BTBD9: variants seen among roughly 807,000 people sequenced by gnomAD.
The protein encoded by BTBD9 is BTB domain containing 9.
A neutral mutation model predicts 64.3 loss-of-function variants in BTBD9; 49 were observed. The observed-to-expected ratio is 0.76, with a 90% CI of 0.61 to 0.97. The LOEUF is 0.97. Among genes scored for constraint, BTBD9 ranks in the 50% least tolerant of loss-of-function variants. The pLI is 0.00. For missense variants in BTBD9, 598 were observed against 762.1 expected, an observed-to-expected ratio of 0.78 and a Z score of 2.53; for synonymous variants, 260 against 274.7, an observed-to-expected ratio of 0.95 and a Z score of 0.53.
chr6:38,592,735 C>A lies in BTBD9; in HGVS notation c.655G>T (p.Ala219Ser). The A allele has an allele frequency of 6.2e-7, 1 of 1,614,210 alleles. No individual in the cohort carries two copies. The highest frequency in any genetic ancestry group is 8.5e-7 in the Non-Finnish European group (1 of 1,180,034). ...AAACGCACAGCCTGCATGATTTCAGCATGATTCTCCTTTGAATTGTGCTTA... is the reference window on the plus strand; with the variant it reads ...AAACGCACAGCCTGCATGATTTCAGAATGATTCTCCTTTGAATTGTGCTTA... ...WCKHNSKENHAEIMQAVRLPL... is the reference protein window; with the variant it reads ...WCKHNSKENHSEIMQAVRLPL... Residue 219 changes from alanine (A) to serine (S), a missense_variant, in exon 4 of 11, where the codon GCT becomes TCT. Coordinates refer to ENST00000481247, the MANE Select transcript of BTBD9 (RefSeq NM_001099272.2).
intron 6 of BTBD9, among the ~76,000 whole-genome samples, chr6:38,467,852 C>T (rs1364315837): frequency 1.3e-5 from 2 of 152,272 alleles, no homozygotes; most frequent in East Asian, 3.9e-4. Flanking sequence ...ATTCTATTTC[C>T]AAAATGTCAT....
At chr6:38,486,183 A>G (rs537313018) in intron 6 of BTBD9, among the ~76,000 whole-genome samples, 40 of 152,334 alleles carry the variant, frequency 2.6e-4, no homozygotes, top group African/African-American at 8.9e-4. Flanking sequence ...GCTCCGAATC[A>G]GGCTTTGGCT....
intron 6 of BTBD9, among the ~76,000 whole-genome samples, chr6:38,445,925 A>C (rs1769256867): frequency 6.6e-6 from 1 of 152,226 alleles, no homozygotes; most frequent in Admixed American, 6.5e-5. Flanking sequence ...ACTGCTGAAA[A>C]GGAAAAGAAA....
chr6:38,504,347 A>G (rs561840798), intron 6 of BTBD9: 124 of 299,416 alleles, frequency 4.1e-4, no homozygotes, highest in Middle Eastern at 3.0e-3. Flanking sequence ...TTAACTGATG[A>G]TGGGCTATTA....
intron 9 of BTBD9, among the ~76,000 whole-genome samples, chr6:38,196,194 G>T (rs1762269925): frequency 1.3e-5 from 2 of 152,294 alleles, no homozygotes; most frequent in Non-Finnish European, 2.9e-5. Context: ...GCCAGTGTTT[G>T]AATCTTTATT....
intron 1 of BTBD9, among the ~76,000 whole-genome samples, chr6:38,619,071 G>C (rs1270100613): frequency 6.6e-6 from 1 of 152,160 alleles, no homozygotes; most frequent in Non-Finnish European, 1.5e-5. Flanking sequence ...CCATAACTCA[G>C]GGAAAGGAAG....
chr6:38,588,083 C>T (rs1582679040), intron 4 of BTBD9: 2 of 730,990 alleles, frequency 2.7e-6, no homozygotes, highest in East Asian at 4.9e-5. Flanking sequence ...GTACCAGCAA[C>T]AGGCTAGCTA....
chr6:38,545,550 T>C (rs2474245), intron 6 of BTBD9, among the ~76,000 whole-genome samples: 81,995 of 151,536 alleles, frequency 0.54, 22,893 homozygotes, highest in African/African-American at 0.69. Context: ...GAGGCGGAGG[T>C]GGGCAAATCA....
intron 8 of BTBD9, among the ~76,000 whole-genome samples, chr6:38,274,577 T>G (rs912382572): frequency 7.2e-5 from 11 of 152,216 alleles, no homozygotes; most frequent in Admixed American, 2.0e-4. Context: ...TTATTGAGAG[T>G]TTTTAGCATG....
At chr6:38,487,594 AGAG>A (rs1562252312) in intron 6 of BTBD9, among the ~76,000 whole-genome samples, 1,054 of 39,242 alleles carry the variant, frequency 0.027, 12 homozygotes, top group African/African-American at 0.069. Context: ...AGAGTCAGCG[AGAG>A]AGAGAGAGAG....
At chr6:38,489,674 A>G (rs1194823871) in intron 6 of BTBD9, among the ~76,000 whole-genome samples, 1 of 152,224 alleles carries the variant, frequency 6.6e-6, no homozygotes, top group East Asian at 1.9e-4. Flanking sequence ...TATGAGCATT[A>G]TTCAAAATAT....
At chr6:38,345,122 T>G in intron 6 of BTBD9, 29 bp from the exon 7 acceptor site, 1 of 1,459,872 alleles carries the variant, frequency 6.8e-7, no homozygotes. Flanking sequence ...GAAAATGTGT[T>G]GAAAATGAGC....
intron 7 of BTBD9, among the ~76,000 whole-genome samples, chr6:38,322,019 T>C (rs773944936): frequency 6.6e-6 from 1 of 151,978 alleles, no homozygotes; most frequent in Non-Finnish European, 1.5e-5. Flanking sequence ...GGATTGCGAA[T>C]GCTGTGTATT....
chr6:38,286,317 T>C (rs1374535990), intron 8 of BTBD9, among the ~76,000 whole-genome samples: 1 of 152,230 alleles, frequency 6.6e-6, no homozygotes, highest in African/African-American at 2.4e-5. Flanking sequence ...GTTATTAGCC[T>C]AAACATCAAT....
chr6:38,528,416 G>A (rs1285605012), intron 6 of BTBD9, among the ~76,000 whole-genome samples: 2 of 152,146 alleles, frequency 1.3e-5, no homozygotes, highest in African/African-American at 2.4e-5. Flanking sequence ...GGACCTGGGG[G>A]GCACGTGACC....
At chr6:38,515,963 TAC>T (rs1773005485) in intron 6 of BTBD9, among the ~76,000 whole-genome samples, 1 of 152,220 alleles carries the variant, frequency 6.6e-6, no homozygotes, top group African/African-American at 2.4e-5. Flanking sequence ...AGTCACTCTG[TAC>T]AGAGACTGAT....
At chr6:38,283,701 C>A (rs76899939) in intron 8 of BTBD9, among the ~76,000 whole-genome samples, 6,378 of 152,202 alleles carry the variant, frequency 0.042, 175 homozygotes, top group Non-Finnish European at 0.05. Context: ...CCTACCACAG[C>A]CAGGGTAAGA....
At chr6:38,424,090 G>A (rs1768032513) in intron 6 of BTBD9, among the ~76,000 whole-genome samples, 1 of 151,910 alleles carries the variant, frequency 6.6e-6, no homozygotes, top group Non-Finnish European at 1.5e-5. Flanking sequence ...ATAAGTGATG[G>A]TTATTAGCAT....
intron 6 of BTBD9, chr6:38,566,112 C>T (rs1486570642): frequency 4.6e-5 from 7 of 151,998 alleles, no homozygotes; most frequent in Admixed American, 3.3e-4. Flanking sequence ...TATAGAATAA[C>T]AACCACAATA....
Sources: allele counts gnomAD v4.1 joint callset (sites outside exome capture counted in the v4.1 genomes callset), GRCh38; gene constraint gnomAD v4.1.1; transcripts MANE v1.5; gene names NCBI Gene and HGNC (gene_info 2026-07-23, HGNC 2026-07-21).